Variants in CRMP1 observed in about 807,000 individuals in gnomAD.
The protein encoded by CRMP1 is dihydropyrimidinase-related protein 1.
In CRMP1, 19 loss-of-function variants were observed where a neutral mutation model predicts 68.3. The ratio of observed to expected loss-of-function variants is 0.28; its 90% CI spans 0.19 to 0.41. The LOEUF (loss-of-function observed/expected upper bound fraction) is 0.41, where lower values mean the gene tolerates loss of function less well. CRMP1 is among the 10% of genes least tolerant of loss of function. The pLI is 1.00. For missense variants in CRMP1, 791 were observed against 967.4 expected (o/e 0.82, Z 2.42); for synonymous variants, 439 against 399.6 (o/e 1.10, Z -1.18).
chr4:5,845,057 G>A (rs983264508), intron 6 of CRMP1, among the ~76,000 whole-genome samples: 2 of 152,180 alleles, frequency 1.3e-5, no homozygotes, highest in Non-Finnish European at 2.9e-5. Flanking sequence ...GGCCAAAGAT[G>A]GATCTCACAC....
rs1711693597 is a variant in CRMP1, at chr4:5,841,183, A to T, written c.1153+125T>A. 1.4e-6 allele frequency: 2 copies of T among 1,434,730 alleles called. No individual in the cohort carries two copies. The highest frequency in any genetic ancestry group is 1.9e-6 in the Non-Finnish European group (2 of 1,032,754). 88.9% of individuals were successfully genotyped at this position (1,434,730 alleles called of 1,614,324 possible). On this transcript the variant is annotated intron_variant, in intron 8 of 13. Coordinates refer to ENST00000324989, the MANE Select transcript of CRMP1 (RefSeq NM_001014809.3). The surrounding 1 kb of genome is among the most constrained non-coding windows in gnomAD (Gnocchi z 6.9). ...CAGCCACCATCCTTGTGTCAGGAGCATCCCCGCTCCACCCCTCCCTCCTCC... is the reference window on the plus strand; with the variant it reads ...CAGCCACCATCCTTGTGTCAGGAGCTTCCCCGCTCCACCCCTCCCTCCTCC...
At chr4:5,885,083 G>A (rs10000356) in intron 1 of CRMP1, among the ~76,000 whole-genome samples, 1,651 of 151,514 alleles carry the variant, frequency 0.011, 30 homozygotes, top group African/African-American at 0.038. Context: ...TTGCTCTTCC[G>A]TCTCTAACCG....
rs1296019751 is a variant in CRMP1, at chr4:5,865,636, AAG to A, written c.470+1030_470+1031del. 6.6e-6 allele frequency among the ~76,000 whole-genome samples: 1 copy of A among 151,566 alleles called. No homozygotes were observed. The highest frequency in any genetic ancestry group is 2.4e-5 in the African/African-American group (1 of 41,250). ...CTCCGTCTCAAAAAAAAAAAAAAAA[AAG>A]AAGGCCGCCGCCTACAGACCCCTGC... On this transcript the variant is annotated intron_variant, in intron 2 of 13. Coordinates refer to ENST00000324989, the MANE Select transcript of CRMP1 (RefSeq NM_001014809.3). The surrounding 1 kb of genome is among the most constrained non-coding windows in gnomAD (Gnocchi z 4.1).
chr4:5,866,171 A>G lies in CRMP1; in HGVS notation c.470+497T>C, dbSNP rs1462836482. Among the ~76,000 whole-genome samples, 1 of 152,172 alleles carries G rather than the reference A, an allele frequency of 6.6e-6. No individual in the cohort carries two copies. The highest frequency in any genetic ancestry group is 1.9e-4 in the East Asian group (1 of 5,186). ...GAAGGAAACTCCAGCCCCAATGTCT[A>G]TCTTTTCTTTAAGTGCCAAGGCTGG... On this transcript the variant is annotated intron_variant, in intron 2 of 13. Transcript: ENST00000324989. This position sits in a 1 kb window ranked among gnomAD's most constrained non-coding sequence, Gnocchi z 5.9.
At chr4:5,849,786 T>C (rs1712489845) in intron 5 of CRMP1, among the ~76,000 whole-genome samples, 1 of 152,200 alleles carries the variant, frequency 6.6e-6, no homozygotes, top group South Asian at 2.1e-4. Context: ...TTGGGTTGGC[T>C]TTTTTGAAAC....
At chr4:5,887,263 T>C (rs1037777141) in intron 1 of CRMP1, 2 of 807,210 alleles carry the variant, frequency 2.5e-6, no homozygotes, top group African/African-American at 3.7e-5. Context: ...CCTGCGACTG[T>C]CCAGGAGCCT....
intron 1 of CRMP1, among the ~76,000 whole-genome samples, chr4:5,886,655 C>G (rs573303898): frequency 1.2e-4 from 19 of 152,390 alleles, no homozygotes; most frequent in African/African-American, 4.3e-4. Flanking sequence ...CTTCTGTGGG[C>G]ACACAGCCTC....
At chr4:5,831,364 G>GTGTT (rs1386338192) in intron 11 of CRMP1, among the ~76,000 whole-genome samples, 3 of 152,050 alleles carry the variant, frequency 2.0e-5, no homozygotes, top group African/African-American at 2.4e-5. Context: ...TAATCTGATG[G>GTGTT]TGTTTGATGA....
In CRMP1 at chr4:5,872,204, AAT is replaced by A. The variant is rs1714503742; in HGVS notation, c.382-5450_382-5449del. 6.6e-6 allele frequency among the ~76,000 whole-genome samples: 1 copy of A among 152,206 alleles called. No individual in the cohort carries two copies. On this transcript the variant is annotated intron_variant, in intron 1 of 13. Coordinates refer to ENST00000324989, the MANE Select transcript of CRMP1 (RefSeq NM_001014809.3). The surrounding 1 kb of genome is among the most constrained non-coding windows in gnomAD (Gnocchi z 4.6). ...CTAAGGCTGCCTTTCTCATGCAGGA[AAT>A]ATGAGTGCACAGAACTGTATACTAA...
At position 5,879,130 on chromosome 4, in the gene CRMP1, A is replaced by G. The variant is rs1715053365; in HGVS notation, c.382-12374T>C. ...TGTCCTCATCTGTAGGACAAAGCTC[A>G]CCTCCTAGGCTCTTCCCGGCCTGAG... On this transcript the variant is annotated intron_variant, in intron 1 of 13. Transcript: ENST00000324989. The surrounding 1 kb of genome is among the most constrained non-coding windows in gnomAD (Gnocchi z 4.2). 6.6e-6 allele frequency among the ~76,000 whole-genome samples: 1 copy of G among 151,818 alleles called. No individual in the cohort carries two copies. Among genetic ancestry groups the G allele is most frequent in the Non-Finnish European group, 1.5e-5 (1 of 67,940 alleles).
rs1208590693 is a variant in CRMP1, at chr4:5,860,457, G to A, written c.655+569C>T. Among the ~76,000 whole-genome samples, 1 of 152,142 alleles carries A rather than the reference G, an allele frequency of 6.6e-6. No homozygotes were observed. The highest frequency in any genetic ancestry group is 1.5e-5 in the Non-Finnish European group (1 of 68,030). On this transcript the variant is annotated intron_variant, in intron 3 of 13. Coordinates refer to ENST00000324989, the MANE Select transcript of CRMP1 (RefSeq NM_001014809.3). This position sits in a 1 kb window ranked among gnomAD's most constrained non-coding sequence, Gnocchi z 4.2. ...GTTGCTTAAGATTTGGGGGCTGTTT[G>A]TTACGCGGTGTTATCACAGTATTAC...
rs567664066 is a variant in CRMP1, at chr4:5,824,537, G to A, written c.1969+957C>T. 15 of 983,062 alleles carry A rather than the reference G, an allele frequency of 1.5e-5. No individual in the cohort carries two copies. The East Asian group carries it at 1.4e-3, about 89-fold the overall frequency. The allele number at this position is 983,062 out of a possible 1,614,324, so 60.9% of individuals were successfully genotyped here. A position where few individuals can be genotyped will look rare whatever the true frequency, so the allele number is the denominator to read the frequency against. On this transcript the variant is annotated intron_variant, in intron 13 of 13. Transcript: ENST00000324989. ...CACTCTCTCTTTTGCTAAGCATATC[G>A]CCTTTCCTGACCAGGAATTAGCAAA...
intron 1 of CRMP1, chr4:5,887,704 G>T: frequency 9.1e-6 from 9 of 985,206 alleles, no homozygotes; most frequent in Non-Finnish European, 1.1e-5. Flanking sequence ...CCATCATGGC[G>T]CTGTCCCTAG....
At chr4:5,882,424 A>T (rs1715278056) in intron 1 of CRMP1, among the ~76,000 whole-genome samples, 1 of 152,170 alleles carries the variant, frequency 6.6e-6, no homozygotes, top group African/African-American at 2.4e-5. Flanking sequence ...TATTGTTGAC[A>T]CCTTGGGGTT....
intron 8 of CRMP1, among the ~76,000 whole-genome samples, chr4:5,840,681 G>A (rs1711655924): frequency 6.6e-6 from 1 of 152,178 alleles, no homozygotes; most frequent in Non-Finnish European, 1.5e-5. Flanking sequence ...GTGGTTAGTG[G>A]CTACCTTATG....
At chr4:5,851,127 C>A in intron 5 of CRMP1, among the ~76,000 whole-genome samples, 1 of 152,226 alleles carries the variant, frequency 6.6e-6, no homozygotes, top group East Asian at 1.9e-4. Flanking sequence ...CACTAAGAAT[C>A]TGTATTTCAA....
Position 5,858,428 on chromosome 4 carries a change from TG to T in CRMP1, c.656-2122del, listed in dbSNP as rs942103625. Among the ~76,000 whole-genome samples the T allele has an allele frequency of 1.4e-4, 21 of 151,598 alleles. No homozygotes were observed. The highest frequency in any genetic ancestry group is 4.8e-4 in the African/African-American group (20 of 41,264). Reference sequence around the variant, plus strand: ...CTCCCCACCCCGACCCCAGCTGTGGTGGACATCACCAACCAACGGTTCCACA... The same window carrying T: ...CTCCCCACCCCGACCCCAGCTGTGGTGACATCACCAACCAACGGTTCCACA... On this transcript the variant is annotated intron_variant, in intron 3 of 13. Transcript: ENST00000324989. This position sits in a 1 kb window ranked among gnomAD's most constrained non-coding sequence, Gnocchi z 5.5.
At chr4:5,848,679 C>T (rs1712404242) in intron 6 of CRMP1, among the ~76,000 whole-genome samples, 2 of 152,178 alleles carry the variant, frequency 1.3e-5, no homozygotes. Context: ...GGTAATTTTA[C>T]AGAAAATAAG....
intron 3 of CRMP1, among the ~76,000 whole-genome samples, chr4:5,857,132 C>G (rs1442677561): frequency 6.6e-6 from 1 of 150,470 alleles, no homozygotes; most frequent in Non-Finnish European, 1.5e-5. Context: ...ACCATCACCA[C>G]CACCACCATC....
Sources: gnomAD v4.1 joint callset for allele counts (sites outside exome capture counted in the v4.1 genomes callset) on GRCh38, gnomAD v4.1.1 for gene constraint, Gnocchi (gnomAD v3.1) non-coding constraint, MANE v1.5 for transcripts, NCBI Gene and HGNC (gene_info 2026-07-23, HGNC 2026-07-21) for gene names.